SLC30A6: variants seen among roughly 807,000 people sequenced by gnomAD.
SLC30A6 encodes the protein solute carrier family 30 member 6, also known as zinc transporter 6.
A neutral mutation model predicts 63.0 loss-of-function variants in SLC30A6; 55 were observed. That is an observed-to-expected ratio of 0.87 (90% confidence interval 0.70 to 1.09). The LOEUF (loss-of-function observed/expected upper bound fraction) is 1.09, where lower values mean the gene tolerates loss of function less well. SLC30A6 is among the 50% of genes least tolerant of loss of function. The probability of loss-of-function intolerance (pLI) is 0.00; values close to 1 mark genes in which losing one functional copy is unlikely to be tolerated. For synonymous variants in SLC30A6, 224 were observed against 186.1 expected (o/e 1.20, Z -1.66); for missense variants, 587 against 549.2 (o/e 1.07, Z -0.69).
intron 1 of SLC30A6, among the ~76,000 whole-genome samples, chr2:32,170,460 T>A (rs565590163): frequency 1.2e-4 from 18 of 152,200 alleles, no homozygotes; most frequent in Admixed American, 3.3e-4. Flanking sequence ...CTTGGTCTCC[T>A]CTCTCATTGG....
Position 32,195,716 on chromosome 2 carries a change from T to C in SLC30A6, c.497-1628T>C, listed in dbSNP as rs530590886. Among the ~76,000 whole-genome samples the C allele has an allele frequency of 6.9e-4, 104 of 150,624 alleles. 3 individuals carry two copies. Among genetic ancestry groups the C allele is most frequent in the South Asian group, 2.1e-4 (1 of 4,824 alleles). ...TATATTATATTTATTTATTTATTTA[T>C]TTTTTAATAGAGACAAAGTCTACCT... On this transcript the variant is annotated intron_variant, in intron 8 of 13. Coordinates refer to ENST00000282587, the MANE Select transcript of SLC30A6 (RefSeq NM_017964.5).
rs139893451 is a variant in SLC30A6 at position 32,219,842 on chromosome 2, G to C, written c.886-371G>C. ...ATGCGTCTCTACTTTTTGAAATTCT[G>C]TTTAATCACCAACCGTAGATTAAAT... On this transcript the variant is annotated intron_variant, in intron 13 of 13. Transcript: ENST00000282587. 5.1e-3 allele frequency among the ~76,000 whole-genome samples: 773 copies of C among 152,160 alleles called. 5 individuals carry two copies. The highest frequency in any genetic ancestry group is 0.017 in the African/African-American group (711 of 41,530).
intron 10 of SLC30A6, chr2:32,203,388 C>A: frequency 9.1e-7 from 1 of 1,096,428 alleles, no homozygotes; most frequent in Non-Finnish European, 1.4e-6. Flanking sequence ...AGCACGGATG[C>A]CATAAGGTCT....
intron 13 of SLC30A6, among the ~76,000 whole-genome samples, chr2:32,219,684 C>T (rs1156334665): frequency 1.3e-5 from 2 of 152,176 alleles, no homozygotes; most frequent in Non-Finnish European, 2.9e-5. Context: ...AATCCACCCA[C>T]CTCGGCCTCC....
chr2:32,186,414 G>A (rs749804354), intron 5 of SLC30A6, among the ~76,000 whole-genome samples: 1 of 152,186 alleles, frequency 6.6e-6, no homozygotes. Context: ...GGCCTGGTGC[G>A]GTGGCTTACG....
At chr2:32,178,169 A>C (rs1681953951) in intron 4 of SLC30A6, among the ~76,000 whole-genome samples, 2 of 151,394 alleles carry the variant, frequency 1.3e-5, no homozygotes, top group African/African-American at 2.4e-5. Flanking sequence ...GGATGGTCTC[A>C]ATCTCCTGAC....
intron 6 of SLC30A6, 130 bp downstream of exon 6, chr2:32,192,546 C>A: frequency 2.9e-6 from 2 of 698,488 alleles, no homozygotes; most frequent in Non-Finnish European, 4.8e-6. Context: ...TTTGATAGTA[C>A]ACTTTCTTTA....
At chr2:32,201,399 C>G (rs1332977948) in intron 10 of SLC30A6, among the ~76,000 whole-genome samples, 1 of 152,146 alleles carries the variant, frequency 6.6e-6, no homozygotes, top group Non-Finnish European at 1.5e-5. Context: ...AATTTGAAGT[C>G]TTATTAGAAA....
rs531371051 is a variant in SLC30A6, at chr2:32,223,864, C to G, written c.*3151C>G. ...TACAAAAGAATGGGAAACATCTTCC[C>G]TTTCTTCTTTAATCTCTGAAGTCAT... is the stretch of plus-strand genomic sequence containing the variant. On this transcript the variant is annotated 3_prime_UTR_variant, in exon 14 of 14. Coordinates refer to ENST00000282587, the MANE Select transcript of SLC30A6 (RefSeq NM_017964.5). 2 of 152,252 alleles carry G rather than the reference C, an allele frequency of 1.3e-5. No individual in the cohort carries two copies. The highest frequency in any genetic ancestry group is 3.9e-4 in the East Asian group (2 of 5,190). 9.4% of individuals were successfully genotyped at this position (152,252 alleles called of 1,614,324 possible).
intron 5 of SLC30A6, among the ~76,000 whole-genome samples, chr2:32,191,528 G>A (rs941852274): frequency 6.6e-6 from 1 of 151,994 alleles, no homozygotes; most frequent in Non-Finnish European, 1.5e-5. Flanking sequence ...ACAGTTCCTG[G>A]CCTCTGGCTT....
chr2:32,219,779 T>C (rs1686014714), intron 13 of SLC30A6, among the ~76,000 whole-genome samples: 1 of 152,214 alleles, frequency 6.6e-6, no homozygotes, highest in South Asian at 2.1e-4. Context: ...TCTTACCAAG[T>C]ATGCCATACA....
intron 1 of SLC30A6, among the ~76,000 whole-genome samples, chr2:32,167,168 C>T (rs1680749088): frequency 1.3e-5 from 2 of 152,234 alleles, no homozygotes; most frequent in South Asian, 2.1e-4. Context: ...TTCCGCCTCC[C>T]GGGTTCAAGC....
intron 10 of SLC30A6, chr2:32,202,063 C>A: frequency 1.1e-6 from 1 of 886,244 alleles, no homozygotes; most frequent in Non-Finnish European, 1.7e-6. Context: ...TAGTTCTACT[C>A]ATGAATCAAG....
chr2:32,170,365 C>T (rs1461243045), intron 1 of SLC30A6, among the ~76,000 whole-genome samples: 1 of 152,120 alleles, frequency 6.6e-6, no homozygotes. Context: ...AAGTTAATTT[C>T]TCATATGTGT....
chr2:32,169,085 T>A (rs893435476), intron 1 of SLC30A6, among the ~76,000 whole-genome samples: 2 of 152,140 alleles, frequency 1.3e-5, no homozygotes. Context: ...GGAACCAAAA[T>A]AACTCACACA....
intron 5 of SLC30A6, among the ~76,000 whole-genome samples, chr2:32,188,822 C>A (rs982868826): frequency 1.3e-5 from 2 of 152,066 alleles, no homozygotes; most frequent in African/African-American, 4.8e-5. Context: ...ATTACAAGTC[C>A]CCCAAAACCT....
chr2:32,180,724 C>T (rs901553369), intron 4 of SLC30A6, among the ~76,000 whole-genome samples: 9 of 152,156 alleles, frequency 5.9e-5, no homozygotes, highest in Non-Finnish European at 1.2e-4. Context: ...TGAACCACCG[C>T]GCTCAGCCCA....
intron 5 of SLC30A6, among the ~76,000 whole-genome samples, chr2:32,187,640 C>T (rs1304539711): frequency 6.6e-6 from 1 of 152,168 alleles, no homozygotes; most frequent in Non-Finnish European, 1.5e-5. Flanking sequence ...TTCAGACTAC[C>T]TTCTTGACAG....
intron 13 of SLC30A6, among the ~76,000 whole-genome samples, chr2:32,219,061 C>T (rs1685941568): frequency 6.6e-6 from 1 of 151,924 alleles, no homozygotes; most frequent in African/African-American, 2.4e-5. Context: ...TTCCTTCTTC[C>T]CTTCTTCTCT....
Sources: gnomAD v4.1 joint callset for allele counts (sites outside exome capture counted in the v4.1 genomes callset) on GRCh38, gnomAD v4.1.1 for gene constraint, MANE v1.5 for transcripts, NCBI Gene and HGNC (gene_info 2026-07-23, HGNC 2026-07-21) for gene names.